PYY: variants seen among roughly 807,000 people sequenced by gnomAD.
PYY encodes the protein peptide tyrosine tyrosine.
PYY carries 12 observed loss-of-function variants against 10.3 expected under a neutral mutation model. The observed-to-expected ratio is 1.17, with a 90% confidence interval of 0.75 to 1.89. The LOEUF (loss-of-function observed/expected upper bound fraction) is 1.89. PYY is among the 40% of genes most tolerant of loss of function. The pLI is 0.00. For missense variants in PYY, 141 were observed against 134.0 expected (o/e 1.05, Z -0.26); for synonymous variants, 66 against 62.0 (o/e 1.06, Z -0.30).
chr17:43,976,474 CATAT>C (rs200595903), intron 1 of PYY, among the ~76,000 whole-genome samples: 2 of 146,144 alleles, frequency 1.4e-5, no homozygotes, highest in African/African-American at 5.1e-5. Flanking sequence ...CACACACACA[CATAT>C]ATATATATGC....
At chr17:44,002,251 G>T (rs1008603009) in intron 1 of PYY, among the ~76,000 whole-genome samples, 2 of 152,200 alleles carry the variant, frequency 1.3e-5, no homozygotes, top group Non-Finnish European at 2.9e-5. Context: ...CCAGAAACGG[G>T]TAAGCGCACT....
intron 1 of PYY, among the ~76,000 whole-genome samples, chr17:44,002,786 C>A (rs1030108578): frequency 1.2e-4 from 19 of 152,122 alleles, no homozygotes; most frequent in African/African-American, 4.1e-4. Flanking sequence ...TAATAGCTAT[C>A]CTGGAGTCAC....
chr17:43,985,192 T>G (rs1166495994), intron 1 of PYY, among the ~76,000 whole-genome samples: 1 of 152,126 alleles, frequency 6.6e-6, no homozygotes, highest in Non-Finnish European at 1.5e-5. Flanking sequence ...AGACTCCCAC[T>G]TGTTTTCATT....
In PYY at chr17:44,002,192, T is replaced by TCC. The variant is rs1027571011; in HGVS notation, c.-463+2197_-463+2198dup. Among the ~76,000 whole-genome samples the TCC allele has an allele frequency of 2.0e-5, 3 of 151,896 alleles. No individual in the cohort carries two copies. The East Asian group carries it at 5.8e-4, about 30-fold the overall frequency. Reference sequence around the variant, plus strand: ...CAGCCCCTCCTTCCACTACAGAGTCTCCCCCCCGGGACAGTGTGTCCGAGG... The same window carrying TCC: ...CAGCCCCTCCTTCCACTACAGAGTCTCCCCCCCCCGGGACAGTGTGTCCGAGG... On this transcript the variant is annotated intron_variant, in intron 1 of 6. Transcript: ENST00000360085.
chr17:43,989,808 TTAAAAAA>T (rs2048940523), intron 1 of PYY, among the ~76,000 whole-genome samples: 3 of 43,356 alleles, frequency 6.9e-5, no homozygotes, highest in Non-Finnish European at 1.1e-4. Context: ...GGCTGTCTCT[TTAAAAAA>T]AAAAAAAAAA....
At chr17:43,953,065 G>A in intron 3 of PYY, 44 bp downstream of exon 3, 1 of 1,609,076 alleles carries the variant, frequency 6.2e-7, no homozygotes, top group East Asian at 2.2e-5. Context: ...GTAGGGCCAG[G>A]CCGCGCTCTC....
At chr17:43,996,925 G>C (rs537118712) in intron 1 of PYY, among the ~76,000 whole-genome samples, 2 of 152,284 alleles carry the variant, frequency 1.3e-5, no homozygotes, top group East Asian at 3.9e-4. Flanking sequence ...CTGAGCTCAA[G>C]CAATGTACCT....
chr17:43,976,175 GTATA>G (rs1359601300), intron 1 of PYY, among the ~76,000 whole-genome samples: 1 of 84,372 alleles, frequency 1.2e-5, no homozygotes, highest in African/African-American at 1.1e-4. Context: ...ATGCATATAT[GTATA>G]TATACGTATA....
exon 2 of PYY, chr17:43,966,456 G>C (rs2048756555): frequency 6.6e-6 from 1 of 152,414 alleles, no homozygotes; most frequent in Non-Finnish European, 1.5e-5. Flanking sequence ...TCTGAGGGTG[G>C]CAGCAGGTCC....
At chr17:43,964,527 G>T (rs529110665) in intron 2 of PYY, among the ~76,000 whole-genome samples, 5 of 152,360 alleles carry the variant, frequency 3.3e-5, no homozygotes, top group African/African-American at 1.2e-4. Flanking sequence ...AAGGCAGGCG[G>T]ATCACCTGAG....
At chr17:43,962,108 A>G (rs1597844762) in intron 2 of PYY, among the ~76,000 whole-genome samples, 1 of 152,228 alleles carries the variant, frequency 6.6e-6, no homozygotes, top group East Asian at 1.9e-4. Flanking sequence ...ATGGCTTCCC[A>G]GCTAATCACT....
intron 1 of PYY, among the ~76,000 whole-genome samples, chr17:43,998,907 T>G (rs1438239962): frequency 1.3e-5 from 2 of 151,954 alleles, no homozygotes; most frequent in Non-Finnish European, 2.9e-5. Flanking sequence ...AGGGGTCGAG[T>G]AGGTAGTTAG....
intron 1 of PYY, among the ~76,000 whole-genome samples, chr17:43,992,424 T>C (rs2048963538): frequency 1.3e-5 from 2 of 151,410 alleles, no homozygotes; most frequent in South Asian, 4.2e-4. Context: ...CTACTAAAAA[T>C]ACAAGGCCAG....
intron 1 of PYY, among the ~76,000 whole-genome samples, chr17:43,971,833 T>G (rs1038583014): frequency 5.9e-5 from 9 of 152,128 alleles, no homozygotes; most frequent in Non-Finnish European, 1.2e-4. Flanking sequence ...AACCCTGTCT[T>G]TCATAGAACA....
At position 43,974,815 on chromosome 17, in the gene PYY, G is replaced by A. The variant is rs138916689; in HGVS notation, c.-462-8283C>T. Reference sequence around the variant, plus strand: ...AGCAAGTGGTGCTGGTGAGGATTAGGATGCTTTTTCTTTCTTTTGGCTTAG... The same window carrying A: ...AGCAAGTGGTGCTGGTGAGGATTAGAATGCTTTTTCTTTCTTTTGGCTTAG... On this transcript the variant is annotated intron_variant, in intron 1 of 6. Transcript: ENST00000360085. Among the ~76,000 whole-genome samples, 438 of 152,200 alleles carry A rather than the reference G, an allele frequency of 2.9e-3. 2 individuals carry two copies. The highest frequency in any genetic ancestry group is 0.01 in the African/African-American group (417 of 41,532).
chr17:43,974,548 AG>A (rs1344822786), intron 1 of PYY, among the ~76,000 whole-genome samples: 4 of 152,166 alleles, frequency 2.6e-5, no homozygotes, highest in Non-Finnish European at 5.9e-5. Flanking sequence ...AGGTCATAAA[AG>A]TGCCCGTAAA....
chr17:43,995,191 A>G (rs12951828), intron 1 of PYY, among the ~76,000 whole-genome samples: 7,978 of 152,308 alleles, frequency 0.052, 273 homozygotes, highest in East Asian at 0.12. Flanking sequence ...CCCTGAGTCC[A>G]GGAGGCTCGA....
At chr17:43,984,396 A>G (rs1225368460) in intron 1 of PYY, among the ~76,000 whole-genome samples, 5 of 152,188 alleles carry the variant, frequency 3.3e-5, no homozygotes, top group Non-Finnish European at 5.9e-5. Flanking sequence ...TACCATCGAC[A>G]CCACCCATAA....
intron 1 of PYY, among the ~76,000 whole-genome samples, chr17:43,978,893 C>G (rs2048865778): frequency 6.6e-6 from 1 of 152,226 alleles, no homozygotes; most frequent in Non-Finnish European, 1.5e-5. Flanking sequence ...ATTGGTCGGT[C>G]TAACCCTTAA....
Sources: allele counts gnomAD v4.1 joint callset (sites outside exome capture counted in the v4.1 genomes callset), GRCh38; gene constraint gnomAD v4.1.1; transcripts MANE v1.5; gene names NCBI Gene and HGNC (gene_info 2026-07-23, HGNC 2026-07-21).